Variants in ACACA observed in about 807,000 individuals in gnomAD.
The protein encoded by ACACA is acetyl-CoA carboxylase alpha, also known as acetyl-CoA carboxylase 1.
ACACA carries 103 observed loss-of-function variants against 296.1 expected under a neutral mutation model. That is an observed-to-expected ratio of 0.35 (90% CI 0.30 to 0.41). The LOEUF (loss-of-function observed/expected upper bound fraction) is 0.41. ACACA is among the 10% of genes least tolerant of loss of function. The pLI is 1.00. For synonymous variants in ACACA, 953 were observed against 1,038.6 expected (o/e 0.92, Z 1.58); for missense variants, 1,554 against 2,989.7 (o/e 0.52, Z 11.20).
chr17:37,113,345 T>C lies in ACACA; in HGVS notation c.6275-80A>G. On this transcript the variant is annotated intron_variant, in intron 50 of 55. Coordinates refer to ENST00000616317, the MANE Select transcript of ACACA (RefSeq NM_198834.3). The surrounding 1 kb of genome is among the most constrained non-coding windows in gnomAD (Gnocchi z 4.0). ...ACTTTTAAACACTGTTCAGGACCTCTGGCCACGAAGAGCCTCCTTATACTA... is the reference window on the plus strand; with the variant it reads ...ACTTTTAAACACTGTTCAGGACCTCCGGCCACGAAGAGCCTCCTTATACTA... 2 of 1,477,264 alleles carry C rather than the reference T, an allele frequency of 1.4e-6. No homozygotes were observed. Among genetic ancestry groups the C allele is most frequent in the Non-Finnish European group, 1.9e-6 (2 of 1,072,446 alleles). The allele number at this position is 1,477,264 out of a possible 1,614,324, so 91.5% of individuals were successfully genotyped here. A position where few individuals can be genotyped will look rare whatever the true frequency, so the allele number is the denominator to read the frequency against.
At chr17:37,157,038 C>T (rs999101745) in intron 42 of ACACA, among the ~76,000 whole-genome samples, 4 of 152,158 alleles carry the variant, frequency 2.6e-5, no homozygotes, top group Admixed American at 2.0e-4. Context: ...CCTTATGAAA[C>T]ATACCTCCTA....
intron 49 of ACACA, among the ~76,000 whole-genome samples, chr17:37,121,775 C>T (rs1248200843): frequency 5.3e-5 from 8 of 152,172 alleles, no homozygotes; most frequent in Admixed American, 6.5e-5. Context: ...TCAAAAGCTA[C>T]TTAAAATGGC....
intron 1 of ACACA, among the ~76,000 whole-genome samples, chr17:37,348,167 A>AAAT (rs2048720291): frequency 1.3e-5 from 2 of 151,128 alleles, no homozygotes; most frequent in Non-Finnish European, 2.9e-5. Flanking sequence ...AAAAAAAAAA[A>AAAT]ATTTAAAGTG....
chr17:37,239,870 A>G (rs757020196), intron 24 of ACACA, among the ~76,000 whole-genome samples: 1 of 152,244 alleles, frequency 6.6e-6, no homozygotes, highest in Non-Finnish European at 1.5e-5. Context: ...CAAATTTCAG[A>G]TAATGTTTCA....
chr17:37,380,173 G>A (rs187020486), intron 1 of ACACA, among the ~76,000 whole-genome samples: 1,547 of 150,480 alleles, frequency 0.01, 31 homozygotes, highest in African/African-American at 0.034. Flanking sequence ...ACTATCACAA[G>A]AACAAAAAAC....
chr17:37,174,742 AG>A, intron 41 of ACACA, among the ~76,000 whole-genome samples: 1 of 151,714 alleles, frequency 6.6e-6, no homozygotes, highest in Non-Finnish European at 1.5e-5. Context: ...CATGTGGGCC[AG>A]GATGGTCTCG....
At chr17:37,277,187 C>A in intron 6 of ACACA, 73 bp from the exon 7 acceptor site, 2 of 1,355,792 alleles carry the variant, frequency 1.5e-6, no homozygotes, top group Non-Finnish European at 2.1e-6. Flanking sequence ...AGTCTCTATC[C>A]AGGCTGGCCC....
At chr17:37,287,533 A>ACCAGCTTGGCCAACATGTTGG (rs1302291230) in intron 3 of ACACA, among the ~76,000 whole-genome samples, 6 of 148,422 alleles carry the variant, frequency 4.0e-5, no homozygotes, top group Non-Finnish European at 7.4e-5. Flanking sequence ...GGAGTTCTAG[A>ACCAGCTTGGCCAACATGTTGG]CCAGCTTGGC....
At chr17:37,318,438 G>A (rs1049853544) in intron 3 of ACACA, among the ~76,000 whole-genome samples, 11 of 152,090 alleles carry the variant, frequency 7.2e-5, no homozygotes, top group Non-Finnish European at 8.8e-5. Context: ...ACAAGGTTTC[G>A]CCATGTTGGC....
intron 1 of ACACA, among the ~76,000 whole-genome samples, chr17:37,401,725 AT>A (rs931830856): frequency 1.3e-5 from 2 of 151,950 alleles, no homozygotes; most frequent in African/African-American, 4.8e-5. Flanking sequence ...TGCCCAGCTA[AT>A]TTTTTGATTT....
At chr17:37,099,106 A>C (rs2073167430) in intron 52 of ACACA, among the ~76,000 whole-genome samples, 1 of 152,220 alleles carries the variant, frequency 6.6e-6, no homozygotes, top group African/African-American at 2.4e-5. Context: ...GTCTGGGAAC[A>C]GGCCTTGTTT....
intron 1 of ACACA, among the ~76,000 whole-genome samples, chr17:37,401,021 G>C (rs374383402): frequency 1.4e-4 from 22 of 151,940 alleles, no homozygotes; most frequent in Admixed American, 2.6e-4. Flanking sequence ...CAGTGTACAG[G>C]GTTTTTCTCC....
rs565560348 is a variant in ACACA at position 37,371,863 on chromosome 17, G to A, written c.39-32013C>T. Among the ~76,000 whole-genome samples, 5 of 151,968 alleles carry A rather than the reference G, an allele frequency of 3.3e-5. No individual in the cohort carries two copies. In the South Asian group the frequency reaches 6.2e-4, roughly 19 times the overall value. ...TGCAGTGAGCTGAGATCACGCCACC[G>A]TACTCCAGCCTGGGGGACACAGCGA... On this transcript the variant is annotated intron_variant, in intron 1 of 55. Transcript: ENST00000616317.
chr17:37,236,199 G>C (rs1283781371), intron 24 of ACACA, among the ~76,000 whole-genome samples: 2 of 152,146 alleles, frequency 1.3e-5, no homozygotes, highest in Non-Finnish European at 2.9e-5. Context: ...CTAAATATTA[G>C]AGATTGACAT....
intron 47 of ACACA, among the ~76,000 whole-genome samples, chr17:37,126,828 A>G (rs1167234210): frequency 1.3e-5 from 2 of 152,216 alleles, no homozygotes; most frequent in Non-Finnish European, 2.9e-5. Context: ...TCCATCCGTG[A>G]GCCCAAAGCC....
intron 22 of ACACA, 100 bp downstream of exon 22, chr17:37,243,271 A>G: frequency 7.8e-7 from 1 of 1,286,078 alleles, no homozygotes; most frequent in South Asian, 1.2e-5. Flanking sequence ...ATACAAGCAC[A>G]ACATCCAAAA....
intron 47 of ACACA, among the ~76,000 whole-genome samples, chr17:37,128,048 A>C (rs1376031163): frequency 2.0e-5 from 3 of 149,466 alleles, no homozygotes; most frequent in African/African-American, 7.3e-5. Context: ...AAAAAAAAAA[A>C]AAAAAACAGT....
intron 29 of ACACA, among the ~76,000 whole-genome samples, chr17:37,212,379 G>C (rs972497389): frequency 5.9e-5 from 9 of 152,116 alleles, no homozygotes; most frequent in Admixed American, 2.6e-4. Context: ...AGCTCCTATA[G>C]AGAGCCCCCT....
At chr17:37,311,441 CAT>C (rs898067761) in intron 3 of ACACA, among the ~76,000 whole-genome samples, 10 of 151,978 alleles carry the variant, frequency 6.6e-5, no homozygotes, top group Non-Finnish European at 1.3e-4. Context: ...CACACACACA[CAT>C]ACATACATAT....
Sources: allele counts gnomAD v4.1 joint callset (sites outside exome capture counted in the v4.1 genomes callset), GRCh38; gene constraint gnomAD v4.1.1; non-coding constraint Gnocchi (gnomAD v3.1); transcripts MANE v1.5; gene names NCBI Gene and HGNC (gene_info 2026-07-23, HGNC 2026-07-21).